KHDRBS2: variants seen among roughly 807,000 people sequenced by gnomAD.
The protein encoded by KHDRBS2 is KH domain-containing, RNA-binding, signal transduction-associated protein 2.
KHDRBS2 carries 26 observed loss-of-function variants against 44.3 expected under a neutral mutation model. The ratio of observed to expected loss-of-function variants is 0.59; its 90% CI spans 0.43 to 0.81. The LOEUF (loss-of-function observed/expected upper bound fraction) is 0.81. Among genes scored for constraint, KHDRBS2 ranks in the 40% least tolerant of loss-of-function variants. The pLI, the probability that KHDRBS2 is intolerant of heterozygous loss-of-function variation, is 0.00. For synonymous variants in KHDRBS2, 194 were observed against 151.1 expected, an observed-to-expected ratio of 1.28 and a Z score of -2.08; for missense variants, 476 against 433.1, an observed-to-expected ratio of 1.10 and a Z score of -0.88.
intron 1 of KHDRBS2, among the ~76,000 whole-genome samples, chr6:62,220,365 A>C (rs1354063256): frequency 1.3e-5 from 2 of 151,934 alleles, no homozygotes; most frequent in African/African-American, 2.4e-5. Context: ...TACATGAGGA[A>C]ACCTAAATAA....
At chr6:61,629,434 A>T in the KHDRBS2 span, among the ~76,000 whole-genome samples, 1 of 152,114 alleles carries the variant, frequency 6.6e-6, no homozygotes, top group Non-Finnish European at 1.5e-5. Flanking sequence ...TTAGCATTCA[A>T]TTTTTTCATT....
chr6:62,165,055 A>G (rs1244609773), intron 2 of KHDRBS2, among the ~76,000 whole-genome samples: 1 of 151,856 alleles, frequency 6.6e-6, no homozygotes. Flanking sequence ...ATATACATTT[A>G]GAATTTTCTT....
At chr6:62,213,268 T>C (rs1829396715) in intron 1 of KHDRBS2, among the ~76,000 whole-genome samples, 1 of 151,832 alleles carries the variant, frequency 6.6e-6, no homozygotes, top group Admixed American at 6.6e-5. Context: ...AACTCAAGAG[T>C]AGAAGCAAGT....
In KHDRBS2 at chr6:62,045,647, T is replaced by C. The variant is rs562215823; in HGVS notation, c.336+2231A>G. ...TAAAATGTGTTCAATAAATAATCAATGCATGAACATATGCCGGTTTGTATG... is the reference window on the plus strand; with the variant it reads ...TAAAATGTGTTCAATAAATAATCAACGCATGAACATATGCCGGTTTGTATG... On this transcript the variant is annotated intron_variant, in intron 3 of 8. Coordinates refer to ENST00000281156, the MANE Select transcript of KHDRBS2 (RefSeq NM_152688.4). Among the ~76,000 whole-genome samples the C allele has an allele frequency of 2.6e-5, 4 of 152,186 alleles. No homozygotes were observed. In the South Asian group the frequency reaches 6.2e-4, roughly 24 times the overall value.
chr6:62,125,682 T>A (rs777287329), intron 2 of KHDRBS2, among the ~76,000 whole-genome samples: 1 of 152,104 alleles, frequency 6.6e-6, no homozygotes, highest in Non-Finnish European at 1.5e-5. Context: ...CTGGACACAA[T>A]CCTGAGGTCC....
intron 6 of KHDRBS2, among the ~76,000 whole-genome samples, chr6:61,776,511 T>C (rs1782034861): frequency 6.6e-6 from 1 of 152,178 alleles, no homozygotes; most frequent in Non-Finnish European, 1.5e-5. Context: ...AGAAGACATT[T>C]ATGCAGCAAA....
intron 6 of KHDRBS2, among the ~76,000 whole-genome samples, chr6:61,778,633 A>T (rs1782467507): frequency 6.6e-6 from 1 of 152,160 alleles, no homozygotes; most frequent in South Asian, 2.1e-4. Context: ...CAAAGCACAG[A>T]TGATTCCTCT....
the KHDRBS2 span, among the ~76,000 whole-genome samples, chr6:61,660,959 A>G: frequency 6.6e-6 from 1 of 151,864 alleles, no homozygotes; most frequent in South Asian, 2.1e-4. Context: ...AACAAAATAT[A>G]TTTTTTTATT....
At chr6:61,558,599 G>GT in the KHDRBS2 span, among the ~76,000 whole-genome samples, 1 of 152,016 alleles carries the variant, frequency 6.6e-6, no homozygotes, top group Non-Finnish European at 1.5e-5. Context: ...TATCTCATAG[G>GT]TTTTAGTATG....
the KHDRBS2 span, among the ~76,000 whole-genome samples, chr6:61,669,326 C>T: frequency 1.3e-5 from 2 of 150,476 alleles, no homozygotes; most frequent in Middle Eastern, 3.6e-3. Context: ...TCATTTTTAC[C>T]CCTGACTCTT....
intron 2 of KHDRBS2, among the ~76,000 whole-genome samples, chr6:62,134,255 A>G (rs1242471848): frequency 1.3e-5 from 2 of 152,130 alleles, no homozygotes; most frequent in Non-Finnish European, 2.9e-5. Context: ...CTCTAGCCAT[A>G]GCTAAAAGAG....
the KHDRBS2 span, among the ~76,000 whole-genome samples, chr6:61,613,069 G>A: frequency 2.0e-5 from 3 of 152,104 alleles, no homozygotes; most frequent in East Asian, 5.8e-4. Context: ...AGCCATGATG[G>A]TCTCCATCTC....
intron 2 of KHDRBS2, among the ~76,000 whole-genome samples, chr6:62,073,227 T>C (rs1331140236): frequency 6.6e-6 from 1 of 151,838 alleles, no homozygotes; most frequent in African/African-American, 2.4e-5. Flanking sequence ...AAATTATTAA[T>C]TTTATCTGTA....
intron 1 of KHDRBS2, among the ~76,000 whole-genome samples, chr6:62,209,672 A>C (rs2150143970): frequency 6.6e-6 from 1 of 152,294 alleles, no homozygotes; most frequent in Admixed American, 6.5e-5. Flanking sequence ...GTGGACTGGG[A>C]GAGGCAGACC....
At chr6:61,817,475 A>T (rs975522544) in intron 6 of KHDRBS2, among the ~76,000 whole-genome samples, 5 of 152,124 alleles carry the variant, frequency 3.3e-5, no homozygotes, top group African/African-American at 1.2e-4. Context: ...GGTATATTAG[A>T]CTTTTTTTCC....
chr6:62,046,914 T>C (rs1206856509), intron 3 of KHDRBS2, among the ~76,000 whole-genome samples: 5 of 151,884 alleles, frequency 3.3e-5, no homozygotes, highest in Admixed American at 6.6e-5. Context: ...AGCACCCAAA[T>C]GGAGAGTTTT....
rs149120821 is a variant in KHDRBS2 at position 61,875,193 on chromosome 6, G to GGAGA, written c.810+19438_810+19441dup. ...GTGTGGGCGTGGTGGGGGCAGGGAG[G>GGAGA]GAGAGAGAGAGAGAGAGAGAGTGGT... On this transcript the variant is annotated intron_variant, in intron 6 of 8. Coordinates refer to ENST00000281156, the MANE Select transcript of KHDRBS2 (RefSeq NM_152688.4). Among the ~76,000 whole-genome samples the GGAGA allele has an allele frequency of 1.4e-3, 208 of 148,438 alleles. 2 individuals are homozygous for GGAGA. Among genetic ancestry groups the GGAGA allele is most frequent in the Admixed American group, 5.1e-3 (76 of 14,834 alleles).
At chr6:62,045,390 G>A (rs1787458297) in intron 3 of KHDRBS2, among the ~76,000 whole-genome samples, 1 of 151,826 alleles carries the variant, frequency 6.6e-6, no homozygotes, top group Non-Finnish European at 1.5e-5. Flanking sequence ...TCTATGTTTG[G>A]CTCCTTCTCA....
At chr6:61,741,305 C>T (rs1333584094) in intron 6 of KHDRBS2, among the ~76,000 whole-genome samples, 1 of 151,802 alleles carries the variant, frequency 6.6e-6, no homozygotes, top group Non-Finnish European at 1.5e-5. Context: ...CTTTTCTAAT[C>T]AGTACTAGTT....
Sources: allele counts gnomAD v4.1 joint callset (sites outside exome capture counted in the v4.1 genomes callset), GRCh38; gene constraint gnomAD v4.1.1; transcripts MANE v1.5; gene names NCBI Gene and HGNC (gene_info 2026-07-23, HGNC 2026-07-21).